LUC7L3: variants seen among roughly 807,000 people sequenced by gnomAD.
LUC7L3 encodes the protein luc7-like protein 3.
Under a neutral mutation model 66.8 loss-of-function variants are expected in LUC7L3, and 6 were observed. That is an observed-to-expected ratio of 0.09 (90% CI 0.05 to 0.18). The LOEUF is 0.18. Ranked by LOEUF, LUC7L3 falls within the 10% of genes least tolerant of loss-of-function variation. The probability of loss-of-function intolerance (pLI) is 1.00; values close to 1 mark genes in which losing one functional copy is unlikely to be tolerated. For missense variants in LUC7L3, 341 were observed against 531.1 expected (o/e 0.64, Z 3.52); for synonymous variants, 160 against 174.7 (o/e 0.92, Z 0.66).
At chr17:50,731,735 T>C (rs910607306) in intron 1 of LUC7L3, among the ~76,000 whole-genome samples, 3 of 152,120 alleles carry the variant, frequency 2.0e-5, no homozygotes, top group Non-Finnish European at 4.4e-5. Flanking sequence ...ATTCTGTAGA[T>C]ATAGCTGGAT....
At chr17:50,727,805 G>A (rs1969292007) in intron 1 of LUC7L3, among the ~76,000 whole-genome samples, 1 of 151,992 alleles carries the variant, frequency 6.6e-6, no homozygotes, top group African/African-American at 2.4e-5. Flanking sequence ...CAAGAACTTG[G>A]TTTTAAATAG....
chr17:50,731,079 T>C (rs1377899070), intron 1 of LUC7L3, among the ~76,000 whole-genome samples: 1 of 152,246 alleles, frequency 6.6e-6, no homozygotes, highest in Non-Finnish European at 1.5e-5. Context: ...AGCATTTATA[T>C]CTTTTGGGGA....
chr17:50,734,673 C>A (rs1358447634), intron 1 of LUC7L3, among the ~76,000 whole-genome samples: 1 of 152,094 alleles, frequency 6.6e-6, no homozygotes, highest in Admixed American at 6.5e-5. Context: ...TCTTAAAAAT[C>A]AAGTATAATA....
intron 9 of LUC7L3, 32 bp downstream of exon 9, chr17:50,746,734 A>G (rs1235013260): frequency 1.3e-6 from 2 of 1,596,998 alleles, no homozygotes; most frequent in Non-Finnish European, 1.7e-6. Context: ...GTTCATTAAG[A>G]AACTTTTCAC....
chr17:50,723,661 C>CCCT (rs1491425667), intron 1 of LUC7L3: 16 of 89,290 alleles, frequency 1.8e-4, no homozygotes, highest in African/African-American at 6.4e-4. Flanking sequence ...GCCCCCCCCC[C>CCCT]TTTTTTTTTT....
chr17:50,740,546 T>C (rs1304173731), intron 3 of LUC7L3, among the ~76,000 whole-genome samples: 1 of 151,950 alleles, frequency 6.6e-6, no homozygotes, highest in Non-Finnish European at 1.5e-5. Context: ...ATGTCAGACT[T>C]TTTTTTTCTG....
In LUC7L3 at chr17:50,719,627, A is replaced by T; in HGVS notation, c.-106A>T. The stretch of plus-strand genomic sequence containing the variant: ...TGTCTTGTCGGCTCCTGTGTGTAGG[A>T]GGGATTTCGGCCTGAGAGCGGGCCG... On this transcript the variant is annotated 5_prime_UTR_variant, in exon 1 of 10. Coordinates refer to ENST00000505658, the MANE Select transcript of LUC7L3 (RefSeq NM_016424.5). 1.1e-6 allele frequency: 1 copy of T among 899,576 alleles called. No individual in the cohort carries two copies. Among genetic ancestry groups the T allele is most frequent in the Non-Finnish European group, 1.8e-6 (1 of 570,694 alleles). The allele number at this position is 899,576 out of a possible 1,614,324, so 55.7% of individuals were successfully genotyped here.
rs537351971 is a variant in LUC7L3, at chr17:50,728,721, T to C, written c.100-8239T>C. Among the ~76,000 whole-genome samples the C allele has an allele frequency of 2.8e-4, 42 of 152,222 alleles. 1 individual carries two copies. In the South Asian group the frequency reaches 8.5e-3, roughly 31 times the overall value. ...GGCGTGTGCCTCCATGCTTGGCTAATTTTTGTATTTTTAGTAGAGACGGCG... is the reference window on the plus strand; with the variant it reads ...GGCGTGTGCCTCCATGCTTGGCTAACTTTTGTATTTTTAGTAGAGACGGCG... On this transcript the variant is annotated intron_variant, in intron 1 of 9. Transcript: ENST00000505658.
Position 50,750,274 on chromosome 17 carries a change from TGA to T in LUC7L3, c.1139-222_1139-221del, listed in dbSNP as rs747883917. ...ATGTGCTTAATAGCTTCTCACCAAT[TGA>T]GAGAATTTACCCACTATTTTACCTT... On this transcript the variant is annotated intron_variant, in intron 9 of 9. Transcript: ENST00000505658. Among the ~76,000 whole-genome samples, 4 of 152,310 alleles carry T rather than the reference TGA, an allele frequency of 2.6e-5. No individual in the cohort carries two copies. The East Asian group carries it at 7.7e-4, about 29-fold the overall frequency.
intron 1 of LUC7L3, among the ~76,000 whole-genome samples, chr17:50,732,598 G>A (rs1051978453): frequency 2.6e-4 from 33 of 125,544 alleles, no homozygotes; most frequent in African/African-American, 1.0e-3. Flanking sequence ...GTCTTACTAT[G>A]TTGCCCAGGC....
At chr17:50,726,309 T>C (rs1486070939) in intron 1 of LUC7L3, among the ~76,000 whole-genome samples, 1 of 152,132 alleles carries the variant, frequency 6.6e-6, no homozygotes, top group Admixed American at 6.6e-5. Flanking sequence ...GTAGCTGGGA[T>C]TACAGCCGTG....
chr17:50,722,188 A>ATTTT (rs1371025266), intron 1 of LUC7L3: 6 of 66,288 alleles, frequency 9.1e-5, no homozygotes, highest in African/African-American at 2.4e-4. Flanking sequence ...CCTCTTATGC[A>ATTTT]TTCTTTTTTT....
At chr17:50,741,296 T>TA (rs1487216369) in intron 4 of LUC7L3, 50 bp downstream of exon 4, 1 of 1,553,798 alleles carries the variant, frequency 6.4e-7, no homozygotes, top group Admixed American at 1.9e-5. Flanking sequence ...TTTCTGGAGA[T>TA]TCAGAGACCT....
At chr17:50,724,397 TGTAATCCCA>T (rs908132814) in intron 1 of LUC7L3, among the ~76,000 whole-genome samples, 2 of 152,046 alleles carry the variant, frequency 1.3e-5, no homozygotes, top group African/African-American at 4.8e-5. Flanking sequence ...GGTGCATTCC[TGTAATCCCA>T]GCTACTCTGG....
rs142105486 is a variant in LUC7L3, at chr17:50,735,698, A to G, written c.100-1262A>G. 4.9e-4 allele frequency among the ~76,000 whole-genome samples: 74 copies of G among 152,050 alleles called. 2 individuals are homozygous for G. In the East Asian group the frequency reaches 0.013, roughly 27 times the overall value. On this transcript the variant is annotated intron_variant, in intron 1 of 9. Coordinates refer to ENST00000505658, the MANE Select transcript of LUC7L3 (RefSeq NM_016424.5). ...TTTTTTATAGACATGGGGTTTTGCC[A>G]TGTTGCCCAAGCCGGTCTCAAATTC... is the stretch of plus-strand genomic sequence containing the variant.
chr17:50,722,923 ATTGT>A (rs1968888801), intron 1 of LUC7L3: 1 of 152,174 alleles, frequency 6.6e-6, no homozygotes. Flanking sequence ...GTATTTTGCA[ATTGT>A]TTGAGATTAT....
chr17:50,755,392 T>G lies in LUC7L3; in HGVS notation c.*4731T>G, dbSNP rs1971091934. Reference sequence around the variant, plus strand: ...CCCGTATGTTCTGAGTCTTGCTGTTTTTACCTGGTAATATTTAGAAACATT... The same window carrying G: ...CCCGTATGTTCTGAGTCTTGCTGTTGTTACCTGGTAATATTTAGAAACATT... On this transcript the variant is annotated 3_prime_UTR_variant, in exon 10 of 10. Coordinates refer to ENST00000505658, the MANE Select transcript of LUC7L3 (RefSeq NM_016424.5). The G allele has an allele frequency of 6.6e-6, 1 of 152,244 alleles. No homozygotes were observed. The allele number at this position is 152,244 out of a possible 1,614,324, so 9.4% of individuals were successfully genotyped here.
intron 9 of LUC7L3, among the ~76,000 whole-genome samples, chr17:50,748,728 G>C (rs925751651): frequency 1.3e-5 from 2 of 152,128 alleles, no homozygotes; most frequent in African/African-American, 4.8e-5. Flanking sequence ...AAGTTACTAA[G>C]AAAACTGTAT....
In LUC7L3 at chr17:50,729,026, G is replaced by T. The variant is rs548132072; in HGVS notation, c.100-7934G>T. On this transcript the variant is annotated intron_variant, in intron 1 of 9. Transcript: ENST00000505658. Reference sequence around the variant, plus strand: ...TGGAAACTATGACTTCAGTTGAAATGACATATAACAAAAGTTTTACCATAG... The same window carrying T: ...TGGAAACTATGACTTCAGTTGAAATTACATATAACAAAAGTTTTACCATAG... Among the ~76,000 whole-genome samples, 8 of 152,246 alleles carry T rather than the reference G, an allele frequency of 5.3e-5. No individual in the cohort carries two copies. The South Asian group carries it at 1.4e-3, about 28-fold the overall frequency.
Sources: allele counts gnomAD v4.1 joint callset (sites outside exome capture counted in the v4.1 genomes callset), GRCh38; gene constraint gnomAD v4.1.1; transcripts MANE v1.5; gene names NCBI Gene and HGNC (gene_info 2026-07-23, HGNC 2026-07-21).